Variants in RABGAP1L observed in about 807,000 individuals in gnomAD.
RABGAP1L encodes the protein rab GTPase-activating protein 1-like.
RABGAP1L carries 63 observed loss-of-function variants against 137.7 expected under a neutral mutation model. The observed-to-expected ratio is 0.46, with a 90% CI of 0.37 to 0.56. RABGAP1L has a LOEUF of 0.56. Ranked by LOEUF, RABGAP1L falls within the 20% of genes least tolerant of loss-of-function variation. The pLI is 0.00. For missense variants in RABGAP1L, 1,095 were observed against 1,244.0 expected (o/e 0.88, Z 1.80); for synonymous variants, 431 against 433.7 (o/e 0.99, Z 0.08).
chr1:174,518,067 C>A (rs1663023972), intron 13 of RABGAP1L, among the ~76,000 whole-genome samples: 1 of 152,060 alleles, frequency 6.6e-6, no homozygotes, highest in African/African-American at 2.4e-5. Context: ...ACATTAAAAT[C>A]GCCTAAGGGA....
chr1:174,624,963 C>G (rs1341390613), intron 13 of RABGAP1L, among the ~76,000 whole-genome samples: 1 of 151,688 alleles, frequency 6.6e-6, no homozygotes, highest in African/African-American at 2.4e-5. Context: ...CTCCGCCCCC[C>G]TGAGTTCAAG....
At chr1:174,633,587 G>A (rs1343598427) in intron 13 of RABGAP1L, among the ~76,000 whole-genome samples, 2 of 136,612 alleles carry the variant, frequency 1.5e-5, no homozygotes, top group African/African-American at 6.4e-5. Flanking sequence ...TCAATCCTAA[G>A]CCAAAAGAAC....
chr1:174,230,102 A>G (rs1050949791), intron 3 of RABGAP1L, among the ~76,000 whole-genome samples: 1 of 152,180 alleles, frequency 6.6e-6, no homozygotes, highest in Non-Finnish European at 1.5e-5. Context: ...TTGTAGGGAC[A>G]TGGATGAAGC....
At chr1:174,557,931 C>A (rs1487034495) in intron 13 of RABGAP1L, among the ~76,000 whole-genome samples, 1 of 152,218 alleles carries the variant, frequency 6.6e-6, no homozygotes, top group African/African-American at 2.4e-5. Flanking sequence ...CCAGTGCTAC[C>A]ACCTGAGCAC....
At chr1:174,385,372 C>G (rs148410605) in intron 12 of RABGAP1L, among the ~76,000 whole-genome samples, 1 of 152,172 alleles carries the variant, frequency 6.6e-6, no homozygotes, top group East Asian at 1.9e-4. Context: ...AGGATAAAAT[C>G]AAGATTTTGG....
chr1:174,561,675 A>C (rs1241807262), intron 13 of RABGAP1L, among the ~76,000 whole-genome samples: 1 of 152,230 alleles, frequency 6.6e-6, no homozygotes, highest in African/African-American at 2.4e-5. Context: ...AGACCAATGG[A>C]ACAGAACAGA....
At chr1:174,552,072 T>A (rs1666581953) in intron 13 of RABGAP1L, among the ~76,000 whole-genome samples, 1 of 152,232 alleles carries the variant, frequency 6.6e-6, no homozygotes, top group East Asian at 1.9e-4. Context: ...TCTTCTTTTT[T>A]AAAAAAGATA....
At chr1:174,835,782 T>C (rs1692680222) in intron 19 of RABGAP1L, among the ~76,000 whole-genome samples, 1 of 152,208 alleles carries the variant, frequency 6.6e-6, no homozygotes, top group Admixed American at 6.5e-5. Context: ...AGTATAGGCA[T>C]GTGACTGAGA....
intron 16 of RABGAP1L, among the ~76,000 whole-genome samples, chr1:174,700,252 A>C (rs1679548054): frequency 6.6e-6 from 1 of 152,242 alleles, no homozygotes; most frequent in African/African-American, 2.4e-5. Context: ...GATTGACCAG[A>C]GCTGACAAAA....
chr1:174,780,068 CAATAAATA>C (rs367683847), intron 18 of RABGAP1L, among the ~76,000 whole-genome samples: 8,176 of 92,152 alleles, frequency 0.089, 709 homozygotes, highest in African/African-American at 0.21. Context: ...CTCCATCTTA[CAATAAATA>C]AATAAATAAA....
intron 13 of RABGAP1L, among the ~76,000 whole-genome samples, chr1:174,475,388 T>C (rs1658393765): frequency 6.6e-6 from 1 of 152,102 alleles, no homozygotes; most frequent in Non-Finnish European, 1.5e-5. Flanking sequence ...ATTGTGACTG[T>C]TTTTAAGGTA....
intron 13 of RABGAP1L, among the ~76,000 whole-genome samples, chr1:174,472,306 A>G (rs1447946157): frequency 1.3e-5 from 2 of 152,190 alleles, no homozygotes; most frequent in Non-Finnish European, 2.9e-5. Context: ...AGAAAGTGGT[A>G]TAAGAGAAGG....
intron 12 of RABGAP1L, among the ~76,000 whole-genome samples, chr1:174,385,729 A>G (rs1686711157): frequency 6.6e-6 from 1 of 152,210 alleles, no homozygotes; most frequent in South Asian, 2.1e-4. Flanking sequence ...ATCAAGAATG[A>G]CACAGTAGTC....
chr1:174,315,848 C>T (rs1252282586), intron 11 of RABGAP1L, among the ~76,000 whole-genome samples: 2 of 152,100 alleles, frequency 1.3e-5, no homozygotes, highest in African/African-American at 4.8e-5. Flanking sequence ...TTCTCTACCT[C>T]CTCTTTAAGG....
At chr1:174,481,158 C>T (rs184690469) in intron 13 of RABGAP1L, among the ~76,000 whole-genome samples, 11 of 152,264 alleles carry the variant, frequency 7.2e-5, no homozygotes, top group Admixed American at 6.5e-5. Context: ...TTACACTTGA[C>T]GCCAGCCCAC....
intron 19 of RABGAP1L, among the ~76,000 whole-genome samples, chr1:174,849,306 A>G (rs1376600370): frequency 6.6e-6 from 1 of 152,192 alleles, no homozygotes; most frequent in African/African-American, 2.4e-5. Context: ...TGAAGAATGA[A>G]CTAAACACCT....
intron 11 of RABGAP1L, among the ~76,000 whole-genome samples, chr1:174,329,973 T>C (rs1680884684): frequency 6.6e-6 from 1 of 152,134 alleles, no homozygotes; most frequent in South Asian, 2.1e-4. Context: ...TTGAAAACTT[T>C]TTCTCTGATT....
rs145163975 is a variant in RABGAP1L at position 174,951,562 on chromosome 1, G to A, written c.2341-5895G>A. 2.0e-3 allele frequency among the ~76,000 whole-genome samples: 311 copies of A among 152,290 alleles called. 1 individual carries two copies. The highest frequency in any genetic ancestry group is 7.1e-3 in the African/African-American group (295 of 41,568). On this transcript the variant is annotated intron_variant, in intron 19 of 25. Transcript: ENST00000681986. ...ACATCAATGCAGTGCTAAAAACCTT[G>A]CACACTGGTCCAGGCCTCTCTTCTT...
intron 13 of RABGAP1L, among the ~76,000 whole-genome samples, chr1:174,583,230 G>A (rs1224424414): frequency 6.6e-6 from 1 of 152,046 alleles, no homozygotes; most frequent in Non-Finnish European, 1.5e-5. Context: ...CCAAAATTAC[G>A]ATCATTATAT....
Sources: gnomAD v4.1 joint callset for allele counts (sites outside exome capture counted in the v4.1 genomes callset) on GRCh38, gnomAD v4.1.1 for gene constraint, MANE v1.5 for transcripts, NCBI Gene and HGNC (gene_info 2026-07-23, HGNC 2026-07-21) for gene names.